SLCO4C1: variants seen among roughly 807,000 people sequenced by gnomAD.
SLCO4C1 encodes organic anion transporter M1.
In SLCO4C1, 58 loss-of-function variants were observed where a neutral mutation model predicts 72.1. That is an observed-to-expected ratio of 0.80 (90% CI 0.65 to 1.00). SLCO4C1 has a LOEUF of 1.00. SLCO4C1 is among the 50% of genes least tolerant of loss of function. The pLI, the probability that SLCO4C1 is intolerant of heterozygous loss-of-function variation, is 0.00. For synonymous variants in SLCO4C1, 297 were observed against 312.5 expected (o/e 0.95, Z 0.52); for missense variants, 898 against 857.9 (o/e 1.05, Z -0.58).
intron 1 of SLCO4C1, among the ~76,000 whole-genome samples, chr5:102,292,470 A>G (rs1749575300): frequency 6.6e-6 from 1 of 152,094 alleles, no homozygotes; most frequent in South Asian, 2.1e-4. Context: ...CCCAACTCCA[A>G]AAAAAGAGAT....
intron 2 of SLCO4C1, among the ~76,000 whole-genome samples, chr5:102,278,632 A>T (rs1023374969): frequency 5.3e-5 from 8 of 152,176 alleles, no homozygotes; most frequent in Non-Finnish European, 1.0e-4. Context: ...AATCCTACAT[A>T]GTATGTTTTC....
intron 6 of SLCO4C1, among the ~76,000 whole-genome samples, chr5:102,258,855 A>G (rs746539239): frequency 8.5e-5 from 13 of 152,084 alleles, no homozygotes; most frequent in Non-Finnish European, 1.6e-4. Flanking sequence ...AGTACCTAAA[A>G]ACATGCAATA....
intron 10 of SLCO4C1, among the ~76,000 whole-genome samples, chr5:102,246,610 T>C (rs1390523873): frequency 1.3e-5 from 2 of 151,918 alleles, no homozygotes; most frequent in African/African-American, 4.8e-5. Context: ...ACCCCTGAGC[T>C]TAAAATAAAA....
intron 1 of SLCO4C1, among the ~76,000 whole-genome samples, chr5:102,293,687 CAAACTT>C (rs1444684139): frequency 6.6e-6 from 1 of 152,146 alleles, no homozygotes; most frequent in East Asian, 1.9e-4. Context: ...TTCAGGCATT[CAAACTT>C]AAACTGAAAC....
At position 102,260,328 on chromosome 5, in the gene SLCO4C1, AAAAT is replaced by A. The variant is rs35413700; in HGVS notation, c.1022-13_1022-10del. On this transcript the variant is annotated splice_polypyrimidine_tract_variant and intron_variant, in intron 5 of 12. Transcript: ENST00000310954. ...TTGAATTTCTGCTGTACCTAAAAAAAAAATATATATATATATATAATATATATAT... is the reference window on the plus strand; with the variant it reads ...TTGAATTTCTGCTGTACCTAAAAAAAATATATATATATATAATATATATAT... The A allele has an allele frequency of 0.76, 437,402 of 577,532 alleles. 165,674 individuals are homozygous for A. The highest frequency in any genetic ancestry group is 0.8 in the Middle Eastern group (1,221 of 1,524). The allele number at this position is 577,532 out of a possible 1,614,324, so 35.8% of individuals were successfully genotyped here.
intron 9 of SLCO4C1, among the ~76,000 whole-genome samples, chr5:102,249,423 C>T (rs1748695622): frequency 6.6e-6 from 1 of 152,200 alleles, no homozygotes; most frequent in Non-Finnish European, 1.5e-5. Context: ...AGTGATGTTA[C>T]TAAAATGTTT....
chr5:102,255,442 T>C (rs1317397418), intron 8 of SLCO4C1, among the ~76,000 whole-genome samples: 1 of 152,208 alleles, frequency 6.6e-6, no homozygotes, highest in African/African-American at 2.4e-5. Context: ...AAATGTTTAC[T>C]GGGATAAGTT....
chr5:102,260,678 T>G (rs1748924413), intron 5 of SLCO4C1, among the ~76,000 whole-genome samples: 1 of 152,042 alleles, frequency 6.6e-6, no homozygotes, highest in African/African-American at 2.4e-5. Flanking sequence ...CTCTTAACAT[T>G]TTTTTCTTCC....
chr5:102,262,118 C>T (rs1748955561), intron 4 of SLCO4C1, 85 bp from the exon 5 acceptor site: 3 of 1,094,090 alleles, frequency 2.7e-6, no homozygotes, highest in Non-Finnish European at 2.6e-6. Flanking sequence ...CTTTATACTT[C>T]AAGTGCATAT....
At position 102,236,581 on chromosome 5, in the gene SLCO4C1, CGTGT is replaced by C. The variant is rs35918245; in HGVS notation, c.*273_*276del. On this transcript the variant is annotated 3_prime_UTR_variant, in exon 13 of 13. Transcript: ENST00000310954. ...AATAGGAAATAAGTGTGTATGTGTG[CGTGT>C]GTGTGTGTGTGTGTGTGTTCGTGTG... 0.016 allele frequency: 4,098 copies of C among 258,246 alleles called. No homozygotes were observed. Among genetic ancestry groups the C allele is most frequent in the Middle Eastern group, 0.028 (23 of 810 alleles). The allele number at this position is 258,246 out of a possible 1,614,324, so 16.0% of individuals were successfully genotyped here.
intron 10 of SLCO4C1, among the ~76,000 whole-genome samples, chr5:102,246,479 A>G (rs1748638563): frequency 6.6e-6 from 1 of 152,132 alleles, no homozygotes; most frequent in Non-Finnish European, 1.5e-5. Context: ...CAGACCAATA[A>G]CAAGTAGCAA....
intron 2 of SLCO4C1, among the ~76,000 whole-genome samples, chr5:102,280,402 T>C (rs1749333393): frequency 6.6e-6 from 1 of 151,776 alleles, no homozygotes; most frequent in African/African-American, 2.4e-5. Flanking sequence ...TCTAACAAAA[T>C]ATATATACAT....
chr5:102,273,958 C>A (rs899862450), intron 2 of SLCO4C1, among the ~76,000 whole-genome samples: 2 of 151,990 alleles, frequency 1.3e-5, no homozygotes, highest in Non-Finnish European at 2.9e-5. Context: ...TGGATTCAAC[C>A]AACCACAGAT....
rs75637533 is a variant in SLCO4C1 at position 102,256,578 on chromosome 5, G to C, written c.1469+537C>G. On this transcript the variant is annotated intron_variant, in intron 8 of 12. Transcript: ENST00000310954. ...GGAAAACAAAGAAATATAAATGGTT[G>C]AATCAGTTATAGCTAGAAACATGTC... 2.7e-3 allele frequency among the ~76,000 whole-genome samples: 416 copies of C among 152,208 alleles called. 4 individuals are homozygous for C. The highest frequency in any genetic ancestry group is 6.4e-3 in the Admixed American group (98 of 15,288).
intron 6 of SLCO4C1, among the ~76,000 whole-genome samples, chr5:102,259,698 AC>A (rs1329888353): frequency 6.6e-6 from 1 of 152,176 alleles, no homozygotes; most frequent in African/African-American, 2.4e-5. Context: ...AAAAGAAGTT[AC>A]CACTAACCAC....
rs576292867 is a variant in SLCO4C1 at position 102,284,690 on chromosome 5, GC to G, written c.619+6652del. On this transcript the variant is annotated intron_variant, in intron 2 of 12. Transcript: ENST00000310954. ...AACACATTTTTAACATATTCCTAAT[GC>G]CTCTAGAAACTGTTCTCTGCAGATA... Among the ~76,000 whole-genome samples the G allele has an allele frequency of 2.5e-3, 375 of 150,854 alleles. 2 individuals carry two copies. Among genetic ancestry groups the G allele is most frequent in the South Asian group, 0.019 (91 of 4,772 alleles).
intron 2 of SLCO4C1, among the ~76,000 whole-genome samples, chr5:102,273,382 C>T (rs906335631): frequency 1.3e-5 from 2 of 151,994 alleles, no homozygotes; most frequent in African/African-American, 4.8e-5. Context: ...ACTTTCAACA[C>T]CAAAATATTC....
intron 10 of SLCO4C1, among the ~76,000 whole-genome samples, chr5:102,246,882 C>T (rs1477790434): frequency 6.6e-6 from 1 of 152,088 alleles, no homozygotes; most frequent in African/African-American, 2.4e-5. Context: ...TTTAACGTCA[C>T]AGTGCCTAAT....
chr5:102,282,272 G>A (rs1749372202), intron 2 of SLCO4C1, among the ~76,000 whole-genome samples: 1 of 151,972 alleles, frequency 6.6e-6, no homozygotes, highest in African/African-American at 2.4e-5. Flanking sequence ...CTATGAGAAT[G>A]TTTAAAATGT....
Sources: gnomAD v4.1 joint callset for allele counts (sites outside exome capture counted in the v4.1 genomes callset) on GRCh38, gnomAD v4.1.1 for gene constraint, MANE v1.5 for transcripts, NCBI Gene and HGNC (gene_info 2026-07-23, HGNC 2026-07-21) for gene names.